Variants in SASH1 observed in about 807,000 individuals in gnomAD.
SASH1 encodes the protein SAM and SH3 domain containing 1.
A neutral mutation model predicts 125.2 loss-of-function variants in SASH1; 44 were observed. The observed-to-expected ratio is 0.35, with a 90% CI of 0.28 to 0.45. SASH1 has a LOEUF of 0.45. Ranked by LOEUF, SASH1 falls within the 20% of genes least tolerant of loss-of-function variation. The pLI is 1.00. For synonymous variants in SASH1, 639 were observed against 649.1 expected (o/e 0.98, Z 0.24); for missense variants, 1,426 against 1,614.5 (o/e 0.88, Z 2.00).
chr6:148,507,829 C>T (rs948237549), intron 8 of SASH1, among the ~76,000 whole-genome samples: 6 of 152,174 alleles, frequency 3.9e-5, no homozygotes, highest in Admixed American at 3.9e-4. Flanking sequence ...GGAGGGACAT[C>T]TAGAAACAAG....
the SASH1 span, among the ~76,000 whole-genome samples, chr6:148,196,773 A>G: frequency 2.0e-5 from 3 of 152,248 alleles, no homozygotes; most frequent in South Asian, 2.1e-4. Flanking sequence ...GGCAGACGGC[A>G]TGGTTCAGAA....
intron 2 of SASH1, 95 bp downstream of exon 2, chr6:148,390,357 G>T (rs1336652777): frequency 7.4e-5 from 90 of 1,224,212 alleles, no homozygotes; most frequent in Non-Finnish European, 1.0e-4. Context: ...TCTTCCTGGG[G>T]TATCAATCTG....
intron 1 of SASH1, among the ~76,000 whole-genome samples, chr6:148,332,725 G>A (rs1308043969): frequency 1.3e-5 from 2 of 152,098 alleles, no homozygotes; most frequent in African/African-American, 4.8e-5. Context: ...GGTGGCTCAT[G>A]CATGTAATTC....
intron 1 of SASH1, among the ~76,000 whole-genome samples, chr6:148,276,687 C>T (rs923742067): frequency 2.0e-5 from 3 of 152,130 alleles, no homozygotes; most frequent in South Asian, 4.1e-4. Flanking sequence ...CTTCCAGGAT[C>T]ATAGAAGAAG....
chr6:148,484,334 T>TAA (rs1316814701), intron 7 of SASH1, among the ~76,000 whole-genome samples: 8 of 142,530 alleles, frequency 5.6e-5, no homozygotes, highest in African/African-American at 2.0e-4. Context: ...TGTTTTTGCT[T>TAA]AAGACACACA....
chr6:148,322,586 C>T (rs949488152), intron 1 of SASH1, among the ~76,000 whole-genome samples: 1 of 152,114 alleles, frequency 6.6e-6, no homozygotes, highest in Non-Finnish European at 1.5e-5. Flanking sequence ...GTAGGGTTAC[C>T]ATTGACTCCA....
At chr6:148,238,895 A>G in the SASH1 span, among the ~76,000 whole-genome samples, 6,351 of 152,260 alleles carry the variant, frequency 0.042, 170 homozygotes, top group Non-Finnish European at 0.057. Flanking sequence ...AGCTCCCAAA[A>G]GTCACTCTGG....
At chr6:148,219,496 C>T in the SASH1 span, among the ~76,000 whole-genome samples, 2 of 152,196 alleles carry the variant, frequency 1.3e-5, no homozygotes, top group Non-Finnish European at 2.9e-5. Flanking sequence ...CTCCTCCAAA[C>T]TCGTTTTTCC....
intron 1 of SASH1, among the ~76,000 whole-genome samples, chr6:148,330,993 G>A (rs181391710): frequency 2.4e-4 from 36 of 152,156 alleles, no homozygotes; most frequent in African/African-American, 6.7e-4. Flanking sequence ...CTAAGTGTCG[G>A]GTGGCTTTCA....
At chr6:148,228,140 T>C in the SASH1 span, among the ~76,000 whole-genome samples, 1 of 152,194 alleles carries the variant, frequency 6.6e-6, no homozygotes, top group Non-Finnish European at 1.5e-5. Context: ...CATGAATAAT[T>C]GAAGTCGATT....
At chr6:148,245,175 A>G in the SASH1 span, among the ~76,000 whole-genome samples, 1 of 152,198 alleles carries the variant, frequency 6.6e-6, no homozygotes, top group Non-Finnish European at 1.5e-5. Flanking sequence ...CTCTCTGCTT[A>G]TGAAAACAAA....
intron 1 of SASH1, among the ~76,000 whole-genome samples, chr6:148,285,097 A>G (rs1388328456): frequency 6.6e-6 from 1 of 152,162 alleles, no homozygotes; most frequent in Non-Finnish European, 1.5e-5. Context: ...TCAACTCCAA[A>G]GGTAGCCATT....
intron 1 of SASH1, among the ~76,000 whole-genome samples, chr6:148,290,166 C>T (rs960291693): frequency 1.3e-5 from 2 of 151,216 alleles, no homozygotes; most frequent in African/African-American, 4.9e-5. Context: ...CCGTACCCAG[C>T]TTTCTGTGAG....
chr6:148,291,974 A>G (rs1240068795), intron 1 of SASH1, among the ~76,000 whole-genome samples: 1 of 152,194 alleles, frequency 6.6e-6, no homozygotes, highest in African/African-American at 2.4e-5. Context: ...GAATTTGGTT[A>G]TTTTAAGATC....
At chr6:148,410,923 G>A (rs1254224525) in intron 2 of SASH1, among the ~76,000 whole-genome samples, 3 of 152,132 alleles carry the variant, frequency 2.0e-5, no homozygotes, top group African/African-American at 7.2e-5. Context: ...ACTTTGGGGG[G>A]CTGAGACGGG....
the SASH1 span, among the ~76,000 whole-genome samples, chr6:148,246,262 C>T: frequency 6.6e-6 from 1 of 152,142 alleles, no homozygotes. Context: ...TTTATCTTAT[C>T]GTCATTCAGT....
At chr6:148,282,631 C>A (rs948718327) in intron 1 of SASH1, among the ~76,000 whole-genome samples, 5 of 152,140 alleles carry the variant, frequency 3.3e-5, no homozygotes, top group African/African-American at 1.2e-4. Context: ...CCCCCCGCCT[C>A]AGCCTCCCAA....
intron 18 of SASH1, 73 bp from the exon 19 acceptor site, chr6:148,545,942 T>C (rs1188050945): frequency 1.4e-6 from 2 of 1,434,596 alleles, no homozygotes; most frequent in African/African-American, 1.4e-5. Context: ...CTACGTTATA[T>C]GTGGTGTATC....
At chr6:148,496,458 CAT>C (rs1779314635) in intron 8 of SASH1, among the ~76,000 whole-genome samples, 2 of 152,210 alleles carry the variant, frequency 1.3e-5, no homozygotes, top group Admixed American at 6.5e-5. Context: ...AGAAACAAAA[CAT>C]AGCAATAATT....
Sources: allele counts gnomAD v4.1 joint callset (sites outside exome capture counted in the v4.1 genomes callset), GRCh38; gene constraint gnomAD v4.1.1; transcripts MANE v1.5; gene names NCBI Gene and HGNC (gene_info 2026-07-23, HGNC 2026-07-21).